The following CDK19 variants were observed in gnomAD, a reference collection of about 807,000 sequenced individuals.
The protein encoded by CDK19 is cyclin-dependent kinase 19.
A neutral mutation model predicts 68.3 loss-of-function variants in CDK19; 20 were observed. The ratio of observed to expected loss-of-function variants is 0.29; its 90% CI spans 0.21 to 0.43. The LOEUF is 0.43. Ranked by LOEUF, CDK19 falls within the 20% of genes least tolerant of loss-of-function variation. The pLI, the probability that CDK19 is intolerant of heterozygous loss-of-function variation, is 1.00. For missense variants in CDK19, 339 were observed against 623.5 expected, an observed-to-expected ratio of 0.54 and a Z score of 4.86; for synonymous variants, 221 against 222.8, an observed-to-expected ratio of 0.99 and a Z score of 0.07.
intron 1 of CDK19, among the ~76,000 whole-genome samples, chr6:110,812,266 AC>A (rs1264513394): frequency 6.6e-6 from 1 of 151,790 alleles, no homozygotes; most frequent in Admixed American, 6.6e-5. Context: ...GACTACAAGT[AC>A]CCGCCACCAT....
At chr6:110,729,372 C>A (rs1345188812) in intron 2 of CDK19, among the ~76,000 whole-genome samples, 1 of 152,102 alleles carries the variant, frequency 6.6e-6, no homozygotes, top group Non-Finnish European at 1.5e-5. Context: ...GACACTTTTA[C>A]ACTAAGATAA....
intron 1 of CDK19, chr6:110,813,144 C>T (rs1047778004): frequency 1.3e-5 from 2 of 150,830 alleles, no homozygotes; most frequent in African/African-American, 4.9e-5. Context: ...TAACAAATTT[C>T]ACTCAAAAAG....
intron 1 of CDK19, among the ~76,000 whole-genome samples, chr6:110,778,326 T>C (rs1434818568): frequency 6.6e-6 from 1 of 152,238 alleles, no homozygotes; most frequent in African/African-American, 2.4e-5. Context: ...GGAATTCCTA[T>C]CAATGTCTTT....
intron 2 of CDK19, among the ~76,000 whole-genome samples, chr6:110,705,197 C>T (rs1352181581): frequency 2.6e-5 from 4 of 152,224 alleles, no homozygotes; most frequent in South Asian, 2.1e-4. Context: ...TGCGCCACCA[C>T]GCCCGGCTAA....
chr6:110,792,396 CT>C (rs1316022697), intron 1 of CDK19, among the ~76,000 whole-genome samples: 1 of 151,632 alleles, frequency 6.6e-6, no homozygotes. Flanking sequence ...ATATAATAAA[CT>C]TTTTTTGTTG....
intron 12 of CDK19, 60 bp from the exon 13 acceptor site, chr6:110,614,726 C>T: frequency 6.4e-7 from 1 of 1,567,912 alleles, no homozygotes; most frequent in Non-Finnish European, 8.8e-7. Flanking sequence ...ACTCAAGATG[C>T]TCATCACAGT....
chr6:110,789,006 G>T (rs1020370895), intron 1 of CDK19, among the ~76,000 whole-genome samples: 5 of 152,118 alleles, frequency 3.3e-5, no homozygotes, highest in Non-Finnish European at 7.4e-5. Flanking sequence ...ACTTTTTACT[G>T]CTACATCCAA....
chr6:110,679,181 TG>T (rs1443637066), intron 2 of CDK19, among the ~76,000 whole-genome samples: 1 of 151,998 alleles, frequency 6.6e-6, no homozygotes, highest in Non-Finnish European at 1.5e-5. Context: ...CCAGGCATGG[TG>T]GTGCAGGCCT....
At chr6:110,750,364 A>ATGCTCTGTT (rs1160481193) in intron 1 of CDK19, among the ~76,000 whole-genome samples, 15 of 108,740 alleles carry the variant, frequency 1.4e-4, no homozygotes, top group Non-Finnish European at 2.1e-4. Flanking sequence ...GGCAGAGCTA[A>ATGCTCTGTT]GACCAGCTCT....
At chr6:110,814,735 C>A in intron 1 of CDK19, 1 of 625,952 alleles carries the variant, frequency 1.6e-6, no homozygotes, top group South Asian at 1.5e-5. Context: ...TCGAGTCCCC[C>A]CGCCGTCTCC....
At chr6:110,648,449 G>A (rs1024626801) in intron 4 of CDK19, among the ~76,000 whole-genome samples, 1 of 151,262 alleles carries the variant, frequency 6.6e-6, no homozygotes, top group Non-Finnish European at 1.5e-5. Flanking sequence ...CACTTCTATA[G>A]CAAGAAAAAC....
intron 2 of CDK19, among the ~76,000 whole-genome samples, chr6:110,735,786 A>G (rs917193204): frequency 6.6e-6 from 1 of 152,232 alleles, no homozygotes; most frequent in African/African-American, 2.4e-5. Flanking sequence ...TATATGCAAG[A>G]GTAAGACTCT....
intron 1 of CDK19, among the ~76,000 whole-genome samples, chr6:110,808,933 G>C (rs143436989): frequency 6.6e-6 from 1 of 151,666 alleles, no homozygotes; most frequent in South Asian, 2.1e-4. Context: ...GGGGCCAGGC[G>C]TGGTGGCTCA....
At chr6:110,755,896 G>A (rs1001199215) in intron 1 of CDK19, among the ~76,000 whole-genome samples, 4 of 152,050 alleles carry the variant, frequency 2.6e-5, no homozygotes, top group Admixed American at 6.6e-5. Flanking sequence ...GGTGGATGAG[G>A]GCCAAAATTA....
intron 1 of CDK19, among the ~76,000 whole-genome samples, chr6:110,762,275 T>C (rs1215026707): frequency 6.6e-6 from 1 of 152,102 alleles, no homozygotes; most frequent in Non-Finnish European, 1.5e-5. Context: ...TTCTCACTGA[T>C]TGATTTCCCT....
intron 2 of CDK19, among the ~76,000 whole-genome samples, chr6:110,718,370 T>C (rs1365219088): frequency 2.0e-5 from 3 of 152,004 alleles, no homozygotes; most frequent in Admixed American, 2.0e-4. Context: ...TCCTGCAGAG[T>C]CCAGAGCCCT....
chr6:110,814,885 C>T (rs1181218367), intron 1 of CDK19, 124 bp downstream of exon 1: 2 of 1,338,744 alleles, frequency 1.5e-6, no homozygotes, highest in African/African-American at 3.0e-5. Context: ...CCGGACGCAA[C>T]CCCGCGACCC....
intron 2 of CDK19, among the ~76,000 whole-genome samples, chr6:110,689,649 A>T (rs149437015): frequency 1.3e-5 from 2 of 152,328 alleles, no homozygotes; most frequent in Non-Finnish European, 2.9e-5. Flanking sequence ...TCAGCATTTG[A>T]GAAAGCCAAC....
intron 1 of CDK19, among the ~76,000 whole-genome samples, chr6:110,797,502 A>C (rs1417056898): frequency 6.6e-6 from 1 of 152,176 alleles, no homozygotes; most frequent in Non-Finnish European, 1.5e-5. Context: ...TCTTATTAAG[A>C]AAGAAAAAAA....
Sources: gnomAD v4.1 joint callset for allele counts (sites outside exome capture counted in the v4.1 genomes callset) on GRCh38, gnomAD v4.1.1 for gene constraint, MANE v1.5 for transcripts, NCBI Gene and HGNC (gene_info 2026-07-23, HGNC 2026-07-21) for gene names.